The following EPHB1 variants were observed in gnomAD, a reference collection of about 807,000 sequenced individuals.
EPHB1 encodes the protein EPH receptor B1.
EPHB1 carries 30 observed loss-of-function variants against 94.4 expected under a neutral mutation model. That is an observed-to-expected ratio of 0.32 (90% CI 0.24 to 0.43). The LOEUF (loss-of-function observed/expected upper bound fraction) is 0.43, where lower values mean the gene tolerates loss of function less well. EPHB1 is among the 20% of genes least tolerant of loss of function. The pLI is 1.00. For synonymous variants in EPHB1, 522 were observed against 489.1 expected (o/e 1.07, Z -0.89); for missense variants, 1,055 against 1,308.3 (o/e 0.81, Z 2.99).
chr3:134,959,604 T>G (rs1361474636), intron 3 of EPHB1, among the ~76,000 whole-genome samples: 1 of 152,182 alleles, frequency 6.6e-6, no homozygotes, highest in African/African-American at 2.4e-5. Context: ...CCATGTCCAC[T>G]ATCACCACCT....
chr3:135,201,797 T>A, intron 12 of EPHB1, 108 bp downstream of exon 12: 1 of 1,075,632 alleles, frequency 9.3e-7, no homozygotes, highest in Non-Finnish European at 1.4e-6. Flanking sequence ...GAACCTGAAC[T>A]GAGCTCTCCA....
At chr3:135,072,836 A>G (rs1045427862) in intron 3 of EPHB1, among the ~76,000 whole-genome samples, 1 of 152,082 alleles carries the variant, frequency 6.6e-6, no homozygotes, top group African/African-American at 2.4e-5. Context: ...CTTCTTTTCT[A>G]TCACTGGAAT....
rs1197013147 is a variant in EPHB1 at position 134,955,071 on chromosome 3, CTTTTTTTTTTTTTTT to C, written c.805+3037_805+3051del. On this transcript the variant is annotated intron_variant, in intron 3 of 15. Transcript: ENST00000398015. Reference sequence around the variant, plus strand: ...CTAAGGCCTGTTCCTGACATCCTTTCTTTTTTTTTTTTTTTTTTTTTTTTTTTTTTTTAATTTTTT... The same window carrying C: ...CTAAGGCCTGTTCCTGACATCCTTTCTTTTTTTTTTTTTTTTTAATTTTTT... 3.1e-3 allele frequency among the ~76,000 whole-genome samples: 26 copies of C among 8,416 alleles called. 1 individual carries two copies. The highest frequency in any genetic ancestry group is 0.028 in the East Asian group (7 of 252). 5.5% of individuals were successfully genotyped at this position (8,416 alleles called of 152,430 possible).
At chr3:135,211,780 GT>G (rs1187258710) in intron 12 of EPHB1, among the ~76,000 whole-genome samples, 4 of 152,028 alleles carry the variant, frequency 2.6e-5, no homozygotes, top group Non-Finnish European at 5.9e-5. Context: ...ATTATCTTTA[GT>G]TTTTACCTTG....
intron 3 of EPHB1, among the ~76,000 whole-genome samples, chr3:134,957,225 A>G (rs982090279): frequency 6.6e-6 from 1 of 152,174 alleles, no homozygotes; most frequent in African/African-American, 2.4e-5. Context: ...TGAGATGGTG[A>G]TAAGTCTCGT....
chr3:134,945,966 G>T (rs2039209535), intron 2 of EPHB1, among the ~76,000 whole-genome samples: 1 of 152,212 alleles, frequency 6.6e-6, no homozygotes, highest in Non-Finnish European at 1.5e-5. Context: ...GAGGGAAGAG[G>T]TGAGTAATCA....
intron 6 of EPHB1, among the ~76,000 whole-genome samples, chr3:135,159,361 C>T (rs1248567563): frequency 1.3e-5 from 2 of 152,168 alleles, no homozygotes; most frequent in Non-Finnish European, 2.9e-5. Flanking sequence ...ATCCAAATAC[C>T]AATGATGTAT....
chr3:134,880,340 G>A (rs1457128868), intron 1 of EPHB1, among the ~76,000 whole-genome samples: 4 of 152,160 alleles, frequency 2.6e-5, no homozygotes, highest in Admixed American at 6.5e-5. Flanking sequence ...AAAGCTCCTG[G>A]GTCAACAAAG....
intron 1 of EPHB1, among the ~76,000 whole-genome samples, chr3:134,892,468 G>T (rs1031594274): frequency 6.6e-6 from 1 of 152,216 alleles, no homozygotes; most frequent in Non-Finnish European, 1.5e-5. Flanking sequence ...TTAAGAAGAG[G>T]TTCCCAACTC....
intron 15 of EPHB1, among the ~76,000 whole-genome samples, chr3:135,256,417 G>A (rs1019982808): frequency 6.6e-6 from 1 of 152,116 alleles, no homozygotes; most frequent in Non-Finnish European, 1.5e-5. Context: ...AGGTCTGGTG[G>A]TGACAAAATC....
intron 3 of EPHB1, among the ~76,000 whole-genome samples, chr3:134,994,045 T>C (rs1296642634): frequency 6.6e-6 from 1 of 152,238 alleles, no homozygotes; most frequent in Non-Finnish European, 1.5e-5. Flanking sequence ...CGGGGTTAGG[T>C]ACCCCTTCCA....
At chr3:135,228,184 T>A (rs540908722) in intron 12 of EPHB1, among the ~76,000 whole-genome samples, 2 of 152,344 alleles carry the variant, frequency 1.3e-5, no homozygotes, top group East Asian at 3.9e-4. Context: ...TTAGTTATCA[T>A]GTTCATTTAA....
intron 1 of EPHB1, among the ~76,000 whole-genome samples, chr3:134,819,558 C>T (rs2036340602): frequency 6.6e-6 from 1 of 152,122 alleles, no homozygotes; most frequent in South Asian, 2.1e-4. Context: ...ACAGACAAGG[C>T]TTGGTATGTA....
intron 1 of EPHB1, among the ~76,000 whole-genome samples, chr3:134,802,177 C>T (rs1000276514): frequency 6.6e-6 from 1 of 151,578 alleles, no homozygotes; most frequent in Non-Finnish European, 1.5e-5. Context: ...TGGCTCATGC[C>T]TGTAATCCCA....
At chr3:135,040,534 G>A (rs1055433744) in intron 3 of EPHB1, among the ~76,000 whole-genome samples, 1 of 152,232 alleles carries the variant, frequency 6.6e-6, no homozygotes, top group Non-Finnish European at 1.5e-5. Flanking sequence ...CAGGAGTGTG[G>A]GACTGACCCT....
chr3:134,795,676 G>C lies in EPHB1; in HGVS notation c.45G>C (p.Val15=). Residue 15 remains valine (V), a synonymous_variant, in exon 1 of 16, where the codon GTG becomes GTC. Coordinates refer to ENST00000398015, the MANE Select transcript of EPHB1 (RefSeq NM_004441.5). ...TACTGCTCCTCCTGGCATCCGCAGT[G>C]GCTGCGATGGAAGGTAACGTACCCT... The part of the protein sequence containing the change: ...YLLLLLLASA[V]AAMEETLMDT... 1 of 1,610,118 alleles carries C rather than the reference G, an allele frequency of 6.2e-7. No homozygotes were observed.
At chr3:135,225,614 A>G (rs1192918263) in intron 12 of EPHB1, among the ~76,000 whole-genome samples, 1 of 152,128 alleles carries the variant, frequency 6.6e-6, no homozygotes, top group Non-Finnish European at 1.5e-5. Context: ...AAGATTCCAT[A>G]AAACTCTGGA....
intron 10 of EPHB1, among the ~76,000 whole-genome samples, chr3:135,192,121 G>A (rs898559392): frequency 6.6e-6 from 1 of 152,204 alleles, no homozygotes; most frequent in African/African-American, 2.4e-5. Context: ...TCCCAGCAGT[G>A]TAGGAACATA....
chr3:134,820,641 G>GTTTTA (rs1170437137), intron 1 of EPHB1, among the ~76,000 whole-genome samples: 2 of 152,108 alleles, frequency 1.3e-5, no homozygotes, highest in Non-Finnish European at 2.9e-5. Context: ...AGTTCTTGAT[G>GTTTTA]TTTTATTTTA....
Sources: allele counts gnomAD v4.1 joint callset (sites outside exome capture counted in the v4.1 genomes callset), GRCh38; gene constraint gnomAD v4.1.1; transcripts MANE v1.5; gene names NCBI Gene and HGNC (gene_info 2026-07-23, HGNC 2026-07-21).